The following RALGPS1 variants were observed in gnomAD, a reference collection of about 807,000 sequenced individuals.
RALGPS1 encodes the protein ras-specific guanine nucleotide-releasing factor RalGPS1.
RALGPS1 carries 19 observed loss-of-function variants against 78.8 expected under a neutral mutation model. The observed-to-expected ratio is 0.24, with a 90% confidence interval of 0.17 to 0.35. The LOEUF (loss-of-function observed/expected upper bound fraction) is 0.35. Ranked by LOEUF, RALGPS1 falls within the 10% of genes least tolerant of loss-of-function variation. The pLI is 1.00. For missense variants in RALGPS1, 454 were observed against 688.3 expected, an observed-to-expected ratio of 0.66 and a Z score of 3.81; for synonymous variants, 228 against 256.3, an observed-to-expected ratio of 0.89 and a Z score of 1.06.
intron 11 of RALGPS1, among the ~76,000 whole-genome samples, chr9:127,181,523 A>G (rs1007716782): frequency 6.6e-6 from 1 of 152,258 alleles, no homozygotes; most frequent in Non-Finnish European, 1.5e-5. Flanking sequence ...GCAAGTAGGC[A>G]TTACATTGGC....
chr9:127,170,132 AGTTC>A (rs1480982171), intron 10 of RALGPS1, among the ~76,000 whole-genome samples: 1 of 152,132 alleles, frequency 6.6e-6, no homozygotes, highest in African/African-American at 2.4e-5. Context: ...TCTTCATCTA[AGTTC>A]GTGAAAACTG....
At chr9:127,062,548 A>G (rs2049316638) in intron 7 of RALGPS1, among the ~76,000 whole-genome samples, 1 of 152,242 alleles carries the variant, frequency 6.6e-6, no homozygotes. Context: ...CACTTTTATA[A>G]TCAGGTAAGG....
chr9:127,212,676 T>G lies in RALGPS1; in HGVS notation c.1403T>G (p.Leu468Arg). The G allele has an allele frequency of 6.2e-7, 1 of 1,613,764 alleles. No homozygotes were observed. Among genetic ancestry groups the G allele is most frequent in the African/African-American group, 1.3e-5 (1 of 75,024 alleles). Residue 468 changes from leucine to arginine, a missense_variant, in exon 16 of 19, where the codon CTG becomes CGG. Coordinates refer to ENST00000259351, the MANE Select transcript of RALGPS1 (RefSeq NM_014636.3). This position sits in a 1 kb window ranked among gnomAD's most constrained non-coding sequence, Gnocchi z 6.0. ...YWVILSGSTL[L>R]YYGAKSLRGT... ...GTCATACTCTCAGGATCCACCCTCCTGTACTACGGAGCCAAGTCCTTGCGG... is the reference window on the plus strand; with the variant it reads ...GTCATACTCTCAGGATCCACCCTCCGGTACTACGGAGCCAAGTCCTTGCGG...
At chr9:127,002,356 A>T (rs1417302558) in intron 4 of RALGPS1, among the ~76,000 whole-genome samples, 4 of 142,826 alleles carry the variant, frequency 2.8e-5, no homozygotes, top group African/African-American at 1.0e-4. Context: ...ATCATATTTT[A>T]TTTATATTTT....
intron 1 of RALGPS1, among the ~76,000 whole-genome samples, chr9:126,923,080 T>C (rs997287431): frequency 1.3e-5 from 2 of 152,306 alleles, no homozygotes; most frequent in Middle Eastern, 3.4e-3. Flanking sequence ...AAGTGTTTAT[T>C]GGATGAACAA....
chr9:126,979,249 G>GTT (rs1474039162), intron 4 of RALGPS1, among the ~76,000 whole-genome samples: 13 of 57,048 alleles, frequency 2.3e-4, no homozygotes, highest in Admixed American at 2.2e-3. Flanking sequence ...TTATGTGTGT[G>GTT]TGTGTGTGTG....
chr9:126,979,313 C>T lies in RALGPS1; in HGVS notation c.216+1568C>T, dbSNP rs544026238. 3.3e-5 allele frequency among the ~76,000 whole-genome samples: 5 copies of T among 151,376 alleles called. 1 individual carries two copies. The highest frequency in any genetic ancestry group is 3.3e-4 in the Admixed American group (5 of 15,164). Reference sequence around the variant, plus strand: ...TGTTCATTAGGGTTGGGGAACAGAGCTTTGTTTGCTTTTTTTGAATTGGCT... The same window carrying T: ...TGTTCATTAGGGTTGGGGAACAGAGTTTTGTTTGCTTTTTTTGAATTGGCT... On this transcript the variant is annotated intron_variant, in intron 4 of 18. Coordinates refer to ENST00000259351, the MANE Select transcript of RALGPS1 (RefSeq NM_014636.3).
chr9:126,997,235 G>T (rs533488115), intron 4 of RALGPS1, among the ~76,000 whole-genome samples: 1 of 152,286 alleles, frequency 6.6e-6, no homozygotes, highest in Non-Finnish European at 1.5e-5. Context: ...AAAAGAGGAA[G>T]TCAGATTGTC....
At chr9:127,039,787 G>T (rs547804877) in intron 5 of RALGPS1, among the ~76,000 whole-genome samples, 1 of 152,154 alleles carries the variant, frequency 6.6e-6, no homozygotes, top group South Asian at 2.1e-4. Flanking sequence ...GGGAGGGAAA[G>T]GGGGAAGGAG....
intron 1 of RALGPS1, among the ~76,000 whole-genome samples, chr9:126,947,453 C>T (rs1207354305): frequency 3.3e-5 from 5 of 152,168 alleles, no homozygotes; most frequent in Admixed American, 6.5e-5. Context: ...GGATGCTCAG[C>T]TGGTAAGATA....
At chr9:127,138,483 A>G (rs1472504203) in intron 8 of RALGPS1, among the ~76,000 whole-genome samples, 1 of 152,210 alleles carries the variant, frequency 6.6e-6, no homozygotes, top group Non-Finnish European at 1.5e-5. Context: ...CCACAGTGAC[A>G]GTGCAAGAGG....
chr9:127,199,141 G>T, intron 14 of RALGPS1, 75 bp downstream of exon 14: 1 of 1,410,844 alleles, frequency 7.1e-7, no homozygotes, highest in Admixed American at 1.7e-5. Flanking sequence ...CAGGCCCCGG[G>T]CAGGGACGGG....
chr9:127,199,289 C>T (rs1422930387), intron 14 of RALGPS1, among the ~76,000 whole-genome samples: 1 of 152,192 alleles, frequency 6.6e-6, no homozygotes, highest in Non-Finnish European at 1.5e-5. Flanking sequence ...AGCCCCATGC[C>T]TCCCCTGATC....
chr9:127,105,889 C>CA (rs1343074497), intron 8 of RALGPS1, among the ~76,000 whole-genome samples: 3 of 152,208 alleles, frequency 2.0e-5, no homozygotes, highest in Non-Finnish European at 4.4e-5. Context: ...AGGGGCTCAG[C>CA]AAATGTTGGC....
At chr9:127,119,813 T>C (rs2055856072) in intron 8 of RALGPS1, among the ~76,000 whole-genome samples, 1 of 152,178 alleles carries the variant, frequency 6.6e-6, no homozygotes, top group African/African-American at 2.4e-5. Flanking sequence ...GTCCCATTTT[T>C]TTTGCCAAGC....
At chr9:127,087,375 C>T (rs1169286052) in intron 8 of RALGPS1, 5 of 152,468 alleles carry the variant, frequency 3.3e-5, no homozygotes, top group East Asian at 3.9e-4. Flanking sequence ...ATTGCAGATT[C>T]GTGTCATTAC....
At chr9:126,941,167 G>T (rs543457978) in intron 1 of RALGPS1, among the ~76,000 whole-genome samples, 6 of 99,816 alleles carry the variant, frequency 6.0e-5, no homozygotes, top group Admixed American at 1.2e-4. Context: ...GTCTAGTTGT[G>T]GGGGGGGGTT....
intron 8 of RALGPS1, among the ~76,000 whole-genome samples, chr9:127,143,720 C>G (rs2057925322): frequency 6.6e-6 from 1 of 152,296 alleles, no homozygotes; most frequent in Admixed American, 6.5e-5. Context: ...ATGTTTATGT[C>G]TCACTTGAAT....
chr9:127,032,951 G>A (rs1236319584), intron 4 of RALGPS1, among the ~76,000 whole-genome samples: 1 of 152,170 alleles, frequency 6.6e-6, no homozygotes, highest in Admixed American at 6.5e-5. Flanking sequence ...AAAAGAAGTA[G>A]AGTCACAATA....
Sources: allele counts gnomAD v4.1 joint callset (sites outside exome capture counted in the v4.1 genomes callset), GRCh38; gene constraint gnomAD v4.1.1; non-coding constraint Gnocchi (gnomAD v3.1); transcripts MANE v1.5; gene names NCBI Gene and HGNC (gene_info 2026-07-23, HGNC 2026-07-21).